The following TMEM116 variants were observed in gnomAD, a reference collection of about 807,000 sequenced individuals.
TMEM116 encodes the protein transmembrane protein 116.
In TMEM116, 38 loss-of-function variants were observed where a neutral mutation model predicts 44.3. The ratio of observed to expected loss-of-function variants is 0.86; its 90% CI spans 0.66 to 1.12. The LOEUF (loss-of-function observed/expected upper bound fraction) is 1.12. TMEM116 is among the 50% of genes most tolerant of loss of function. TMEM116 has a pLI of 0.00. For synonymous variants in TMEM116, 132 were observed against 144.8 expected, an observed-to-expected ratio of 0.91 and a Z score of 0.64; for missense variants, 354 against 401.7, an observed-to-expected ratio of 0.88 and a Z score of 1.01.
At chr12:111,938,639 A>G (rs933934357) in intron 5 of TMEM116, among the ~76,000 whole-genome samples, 1 of 152,216 alleles carries the variant, frequency 6.6e-6, no homozygotes, top group African/African-American at 2.4e-5. Context: ...AACCCTTCTT[A>G]TAAGACGACC....
chr12:111,993,316 C>T (rs893427223), intron 3 of TMEM116: 35 of 494,968 alleles, frequency 7.1e-5, no homozygotes, highest in Middle Eastern at 3.4e-4. Context: ...TTCTCAGTTA[C>T]ACTTAAGGAG....
intron 10 of TMEM116, 107 bp downstream of exon 10, chr12:111,932,479 T>C (rs2071735762): frequency 1.1e-6 from 1 of 895,744 alleles, no homozygotes; most frequent in Non-Finnish European, 1.8e-6. Flanking sequence ...TCTTTTGCAA[T>C]GTAGAAGTAC....
intron 5 of TMEM116, among the ~76,000 whole-genome samples, chr12:111,940,422 G>A (rs1455977708): frequency 6.8e-6 from 1 of 146,558 alleles, no homozygotes; most frequent in African/African-American, 2.5e-5. Context: ...GAGTGCAGTG[G>A]TATGATCACA....
At chr12:112,006,473 A>G (rs2077591536) in intron 1 of TMEM116, among the ~76,000 whole-genome samples, 1 of 152,368 alleles carries the variant, frequency 6.6e-6, no homozygotes, top group African/African-American at 2.4e-5. Flanking sequence ...CACTCAGTTA[A>G]TAAAGTTTTA....
Sources: gnomAD v4.1 joint callset for allele counts (sites outside exome capture counted in the v4.1 genomes callset) on GRCh38, gnomAD v4.1.1 for gene constraint, MANE v1.5 for transcripts, NCBI Gene and HGNC (gene_info 2026-07-23, HGNC 2026-07-21) for gene names.